The following GRIN2A variants were observed in gnomAD, a reference collection of about 807,000 sequenced individuals.
GRIN2A encodes the protein glutamate receptor ionotropic, NMDA 2A.
In GRIN2A, 22 loss-of-function variants were observed where a neutral mutation model predicts 113.4. The ratio of observed to expected loss-of-function variants is 0.19; its 90% CI spans 0.14 to 0.28. The LOEUF is 0.28. Among genes scored for constraint, GRIN2A ranks in the 10% least tolerant of loss-of-function variants. The probability of loss-of-function intolerance (pLI) is 1.00; values close to 1 mark genes in which losing one functional copy is unlikely to be tolerated. For missense variants in GRIN2A, 1,502 were observed against 1,887.0 expected, an observed-to-expected ratio of 0.80 and a Z score of 3.78; for synonymous variants, 827 against 738.4, an observed-to-expected ratio of 1.12 and a Z score of -1.94.
chr16:10,097,572 A>G (rs907245258), intron 2 of GRIN2A, among the ~76,000 whole-genome samples: 2 of 152,168 alleles, frequency 1.3e-5, no homozygotes, highest in Non-Finnish European at 2.9e-5. Context: ...CCTGAAACCC[A>G]GGGACTGGAA....
intron 10 of GRIN2A, among the ~76,000 whole-genome samples, chr16:9,821,620 A>G (rs1034757041): frequency 3.3e-5 from 5 of 152,186 alleles, no homozygotes; most frequent in Non-Finnish European, 7.3e-5. Context: ...AGGTCCTATT[A>G]TTATTCCCAT....
In GRIN2A at chr16:9,876,862, A is replaced by G. The variant is rs554332820; in HGVS notation, c.1122+14124T>C. Among the ~76,000 whole-genome samples, 4 of 152,212 alleles carry G rather than the reference A, an allele frequency of 2.6e-5. No individual in the cohort carries two copies. In the South Asian group the frequency reaches 8.3e-4, roughly 32 times the overall value. On this transcript the variant is annotated intron_variant, in intron 4 of 12. Coordinates refer to ENST00000330684, the MANE Select transcript of GRIN2A (RefSeq NM_001134407.3). Reference sequence around the variant, plus strand: ...GCTGGGTGCATGGGTGGATAAATGGATGGGAAAATGGTTCAATCCCATCAG... The same window carrying G: ...GCTGGGTGCATGGGTGGATAAATGGGTGGGAAAATGGTTCAATCCCATCAG...
intron 11 of GRIN2A, among the ~76,000 whole-genome samples, chr16:9,796,380 C>T (rs138001201): frequency 6.6e-6 from 1 of 152,238 alleles, no homozygotes; most frequent in African/African-American, 2.4e-5. Flanking sequence ...ATAGTTCATC[C>T]CCTGTAAGGG....
rs2141128690 is a variant in GRIN2A, at chr16:9,763,650, T to A, written c.3894A>T (p.Lys1298Asn). 2 of 1,613,356 alleles carry A rather than the reference T, an allele frequency of 1.2e-6. No individual in the cohort carries two copies. Among genetic ancestry groups the A allele is most frequent in the Non-Finnish European group, 1.7e-6 (2 of 1,179,972 alleles). Residue 1298 changes from lysine to asparagine, a missense_variant, in exon 13 of 13, where the codon AAA becomes AAT. Lys to Asn is a moderately conservative substitution (Grantham distance 94). This residue lies in a region of GRIN2A where 832 missense variants were observed against 789.7 expected (regional missense o/e 1.05). Coordinates refer to ENST00000330684, the MANE Select transcript of GRIN2A (RefSeq NM_001134407.3). ...GCCTGCTAAGGTCTAGCTCCCTAGGTTTGTCGACAATGTTATCGTAGGAAT... is the reference window on the plus strand; with the variant it reads ...GCCTGCTAAGGTCTAGCTCCCTAGGATTGTCGACAATGTTATCGTAGGAAT... ...RQHSYDNIVD[K>N]PRELDLSRPS...
In GRIN2A at chr16:9,754,784, T is replaced by A. The variant is rs1900290186; in HGVS notation, c.*8365A>T. 1 of 221,240 alleles carries A rather than the reference T, an allele frequency of 4.5e-6. No homozygotes were observed. Among genetic ancestry groups the A allele is most frequent in the Non-Finnish European group, 9.0e-6 (1 of 110,564 alleles). The allele number at this position is 221,240 out of a possible 1,614,324, so 13.7% of individuals were successfully genotyped here. A position where few individuals can be genotyped will look rare whatever the true frequency, so the allele number is the denominator to read the frequency against. Reference sequence around the variant, plus strand: ...TTCAAAAGGCTATGATTGTTTTTCATGGAAAAAAAAAGACAATGTTTTCGT... The same window carrying A: ...TTCAAAAGGCTATGATTGTTTTTCAAGGAAAAAAAAAGACAATGTTTTCGT... On this transcript the variant is annotated 3_prime_UTR_variant, in exon 13 of 13. Transcript: ENST00000330684.
intron 4 of GRIN2A, among the ~76,000 whole-genome samples, chr16:9,883,580 G>C (rs575097827): frequency 2.1e-4 from 32 of 152,318 alleles, no homozygotes; most frequent in African/African-American, 6.0e-4. Flanking sequence ...GGTGACAGCT[G>C]AATACTAGGG....
At chr16:10,125,915 C>A (rs2048924784) in intron 2 of GRIN2A, among the ~76,000 whole-genome samples, 1 of 152,056 alleles carries the variant, frequency 6.6e-6, no homozygotes, top group Non-Finnish European at 1.5e-5. Context: ...AGAAGGAGGT[C>A]TGACACACTC....
At chr16:10,020,068 T>C (rs2046687855) in intron 2 of GRIN2A, among the ~76,000 whole-genome samples, 1 of 152,198 alleles carries the variant, frequency 6.6e-6, no homozygotes, top group Non-Finnish European at 1.5e-5. Context: ...ACCACTTTAT[T>C]TGTCAGTTAA....
intron 2 of GRIN2A, among the ~76,000 whole-genome samples, chr16:9,993,795 C>A (rs1479583551): frequency 2.0e-5 from 3 of 152,104 alleles, no homozygotes; most frequent in Admixed American, 1.3e-4. Flanking sequence ...TTCGTAAAGA[C>A]CCCAGTCTCC....
chr16:10,089,895 G>C (rs938592003), intron 2 of GRIN2A, among the ~76,000 whole-genome samples: 37 of 152,134 alleles, frequency 2.4e-4, no homozygotes, highest in Non-Finnish European at 2.9e-5. Context: ...TAAAACCGAT[G>C]AGGGGGAGGC....
rs555575264 is a variant in GRIN2A at position 10,018,423 on chromosome 16, G to A, written c.415-79872C>T. 9.2e-5 allele frequency among the ~76,000 whole-genome samples: 14 copies of A among 152,302 alleles called. No homozygotes were observed. The South Asian group carries it at 2.9e-3, about 32-fold the overall frequency. ...CAATACCACTGCAGTTGATGTGACA[G>A]AAGCCCCTGGAGAAGAGTTCACCAA... On this transcript the variant is annotated intron_variant, in intron 2 of 12. Transcript: ENST00000330684.
intron 4 of GRIN2A, among the ~76,000 whole-genome samples, chr16:9,879,144 C>G (rs1481614133): frequency 2.0e-5 from 3 of 152,100 alleles, no homozygotes; most frequent in African/African-American, 7.2e-5. Flanking sequence ...CTCTATGGCT[C>G]ACATCATTTG....
intron 7 of GRIN2A, among the ~76,000 whole-genome samples, chr16:9,837,491 A>AT (rs1252966846): frequency 6.6e-6 from 1 of 152,100 alleles, no homozygotes; most frequent in African/African-American, 2.4e-5. Flanking sequence ...GCCAATTGAT[A>AT]TTTTTTTCTC....
chr16:10,071,180 T>C (rs1246526480), intron 2 of GRIN2A, among the ~76,000 whole-genome samples: 1 of 152,208 alleles, frequency 6.6e-6, no homozygotes, highest in Non-Finnish European at 1.5e-5. Flanking sequence ...TACTGTTGCA[T>C]GGAAATTTGG....
At chr16:10,102,914 G>C (rs2048427538) in intron 2 of GRIN2A, among the ~76,000 whole-genome samples, 1 of 152,176 alleles carries the variant, frequency 6.6e-6, no homozygotes, top group Non-Finnish European at 1.5e-5. Context: ...TGCTCTGAGA[G>C]ACGTATCCCA....
chr16:10,132,487 T>A (rs2049086690), intron 2 of GRIN2A, among the ~76,000 whole-genome samples: 1 of 152,124 alleles, frequency 6.6e-6, no homozygotes, highest in Non-Finnish European at 1.5e-5. Flanking sequence ...TCATCCTACG[T>A]CAAATGTAAA....
chr16:10,168,660 C>T (rs933970792), intron 2 of GRIN2A, among the ~76,000 whole-genome samples: 1 of 152,178 alleles, frequency 6.6e-6, no homozygotes, highest in African/African-American at 2.4e-5. Context: ...CAAGATGAAA[C>T]TTTACTCCTT....
intron 3 of GRIN2A, among the ~76,000 whole-genome samples, chr16:9,906,162 T>C (rs1469975024): frequency 6.6e-6 from 1 of 152,194 alleles, no homozygotes; most frequent in Non-Finnish European, 1.5e-5. Context: ...GATGAAATGT[T>C]CCCACACCTC....
chr16:10,153,960 C>T (rs1479297736), intron 2 of GRIN2A, among the ~76,000 whole-genome samples: 1 of 152,212 alleles, frequency 6.6e-6, no homozygotes, highest in East Asian at 1.9e-4. Flanking sequence ...AGGCTCCCCT[C>T]CTTTCTGCAT....
Sources: gnomAD v4.1 joint callset for allele counts (sites outside exome capture counted in the v4.1 genomes callset) on GRCh38, gnomAD v4.1.1 for gene constraint, gnomAD v4.1.1 regional missense constraint, MANE v1.5 for transcripts, NCBI Gene and HGNC (gene_info 2026-07-23, HGNC 2026-07-21) for gene names.